Variants in GFRA2 observed in about 807,000 individuals in gnomAD.
GFRA2 encodes GDNF family receptor alpha 2.
GFRA2 carries 17 observed loss-of-function variants against 48.3 expected under a neutral mutation model. That is an observed-to-expected ratio of 0.35 (90% confidence interval 0.24 to 0.53). GFRA2 has a LOEUF of 0.53. Ranked by LOEUF, GFRA2 falls within the 20% of genes least tolerant of loss-of-function variation. The pLI is 0.93. For synonymous variants in GFRA2, 305 were observed against 257.2 expected, an observed-to-expected ratio of 1.19 and a Z score of -1.78; for missense variants, 660 against 637.3, an observed-to-expected ratio of 1.04 and a Z score of -0.38.
intron 1 of GFRA2, among the ~76,000 whole-genome samples, 189 bp downstream of exon 1, chr8:21,787,931 C>G (rs1807364511): frequency 3.3e-5 from 5 of 152,052 alleles, no homozygotes; most frequent in Non-Finnish European, 7.4e-5. Flanking sequence ...CGCCAGCCAG[C>G]CGCGGCTCCG....
chr8:21,694,761 A>C (rs1802071202), intron 7 of GFRA2, among the ~76,000 whole-genome samples: 1 of 152,212 alleles, frequency 6.6e-6, no homozygotes, highest in African/African-American at 2.4e-5. Context: ...TCTGCTCCCA[A>C]CTAGCGGCAT....
In GFRA2 at chr8:21,750,862, A is replaced by G; in HGVS notation, c.520T>C (p.Cys174Arg). The change falls in exon 4 of 9, where the codon TGC becomes CGC. Residue 174 changes from cysteine (C) to arginine (R), a missense_variant. Physicochemically the swap from Cys to Arg is radical, Grantham distance 180 (BLOSUM62 -3). Transcript: ENST00000524240. The surrounding 1 kb of genome is among the most constrained non-coding windows in gnomAD (Gnocchi z 5.7). ...AAKACNLNDN[C>R]KKLRSSYISI... is the part of the protein sequence containing the mutation. ...ATGTAGGAGGAGCGCAGCTTCTTGC[A>G]GTTGTCATTCAGGTTGCAGGCCTTG... 1 of 1,613,818 alleles carries G rather than the reference A, an allele frequency of 6.2e-7. No individual in the cohort carries two copies. Among genetic ancestry groups the G allele is most frequent in the Non-Finnish European group, 8.5e-7 (1 of 1,179,860 alleles).
At chr8:21,737,526 G>A (rs919729193) in intron 4 of GFRA2, among the ~76,000 whole-genome samples, 3 of 152,122 alleles carry the variant, frequency 2.0e-5, no homozygotes, top group African/African-American at 2.4e-5. Flanking sequence ...GAGGAACAGG[G>A]GAGCCCCTGC....
chr8:21,701,351 G>A (rs929844733), intron 7 of GFRA2, among the ~76,000 whole-genome samples: 24 of 152,168 alleles, frequency 1.6e-4, no homozygotes, highest in African/African-American at 3.9e-4. Flanking sequence ...CCGAGATCGC[G>A]CCACTGCACT....
chr8:21,743,548 C>T (rs915549361), intron 4 of GFRA2, among the ~76,000 whole-genome samples: 2 of 152,174 alleles, frequency 1.3e-5, no homozygotes, highest in Admixed American at 6.5e-5. Flanking sequence ...TTCTAAGTGC[C>T]GCAAGGACAA....
intron 2 of GFRA2, among the ~76,000 whole-genome samples, chr8:21,777,692 C>T (rs1170598818): frequency 6.6e-6 from 1 of 152,204 alleles, no homozygotes; most frequent in African/African-American, 2.4e-5. Context: ...TGTGTAAAAA[C>T]TGGTGGTGGT....
chr8:21,782,897 C>T lies in GFRA2; in HGVS notation c.43G>A (p.Glu15Lys), dbSNP rs1372312376. ...NVFCLFFFLD[E>K]TLRSLASPSS... ...GGGCTGGCCAAAGAGCGGAGGGTCT[C>T]GTCTGGGTGGTGGGGAGGGAAGACA... is the stretch of plus-strand genomic sequence containing the variant. The change falls in exon 2 of 9, where the codon GAG becomes AAG. Residue 15 changes from glutamate to lysine, a missense_variant and splice_region_variant. Coordinates refer to ENST00000524240, the MANE Select transcript of GFRA2 (RefSeq NM_001495.5). The T allele has an allele frequency of 4.5e-6, 7 of 1,551,266 alleles. No homozygotes were observed. The African/African-American group carries it at 5.4e-5, about 12-fold the overall frequency.
Position 21,692,509 on chromosome 8 carries a change from T to G in GFRA2, c.*769A>C, listed in dbSNP as rs1008342035. ...GCAAAGAAGCCAACAAAGGACCGTT[T>G]CTCTCTGACTTCAAAATTTCTGCCA... On this transcript the variant is annotated 3_prime_UTR_variant, in exon 9 of 9. Coordinates refer to ENST00000524240, the MANE Select transcript of GFRA2 (RefSeq NM_001495.5). The G allele has an allele frequency of 2.0e-5, 3 of 151,078 alleles. No individual in the cohort carries two copies. Among genetic ancestry groups the G allele is most frequent in the African/African-American group, 7.3e-5 (3 of 40,998 alleles). 9.4% of individuals were successfully genotyped at this position (151,078 alleles called of 1,614,324 possible).
At chr8:21,719,519 TA>T (rs1453628154) in intron 4 of GFRA2, among the ~76,000 whole-genome samples, 7 of 152,236 alleles carry the variant, frequency 4.6e-5, no homozygotes, top group African/African-American at 1.7e-4. Flanking sequence ...AACTGCTAAG[TA>T]AGCTGAACAA....
intron 1 of GFRA2, among the ~76,000 whole-genome samples, chr8:21,784,077 A>G (rs1807149555): frequency 6.6e-6 from 1 of 151,758 alleles, no homozygotes; most frequent in South Asian, 2.1e-4. Context: ...CCAATGTGCA[A>G]TCCCCCATCA....
intron 4 of GFRA2, among the ~76,000 whole-genome samples, chr8:21,707,675 G>A (rs978864047): frequency 4.6e-5 from 7 of 152,272 alleles, no homozygotes; most frequent in Middle Eastern, 3.4e-3. Context: ...CTGCTTCTCC[G>A]GGACTCTAGT....
chr8:21,806,815 G>T (rs1807877412), intron 1 of GFRA2, among the ~76,000 whole-genome samples: 1 of 152,080 alleles, frequency 6.6e-6, no homozygotes, highest in Non-Finnish European at 1.5e-5. Context: ...CAGATTTATT[G>T]GGAAATAACT....
chr8:21,769,955 C>A (rs1281258526), intron 3 of GFRA2, among the ~76,000 whole-genome samples: 6 of 152,180 alleles, frequency 3.9e-5, no homozygotes, highest in African/African-American at 1.2e-4. Context: ...AGCAAGATGG[C>A]CCACCCCAGA....
At chr8:21,739,476 CT>C (rs762811037) in intron 4 of GFRA2, among the ~76,000 whole-genome samples, 40 of 152,314 alleles carry the variant, frequency 2.6e-4, no homozygotes, top group Middle Eastern at 6.8e-3. Context: ...CCCCTTCCCC[CT>C]GACTTGACTT....
At chr8:21,794,337 G>T (rs951009097) in intron 2 of GFRA2, among the ~76,000 whole-genome samples, 2 of 128,330 alleles carry the variant, frequency 1.6e-5, no homozygotes, top group African/African-American at 5.9e-5. Flanking sequence ...CACAATCTCC[G>T]CCTCCCATGT....
chr8:21,698,506 G>A (rs902283083), intron 7 of GFRA2, among the ~76,000 whole-genome samples: 6 of 152,102 alleles, frequency 3.9e-5, no homozygotes, highest in African/African-American at 1.2e-4. Flanking sequence ...TGGCCCAGGC[G>A]CTAGTCTAGT....
intron 4 of GFRA2, among the ~76,000 whole-genome samples, chr8:21,722,575 C>A (rs1439372638): frequency 6.6e-6 from 1 of 152,178 alleles, no homozygotes; most frequent in Non-Finnish European, 1.5e-5. Context: ...GAGGAGAGAA[C>A]ATGGGCCCTT....
chr8:21,712,255 C>T lies in GFRA2; in HGVS notation c.795-6214G>A, dbSNP rs1263451393. Among the ~76,000 whole-genome samples the T allele has an allele frequency of 2.1e-3, 321 of 150,802 alleles. 1 individual carries two copies. Among genetic ancestry groups the T allele is most frequent in the African/African-American group, 7.3e-3 (299 of 40,910 alleles). ...GGGGCTCCTCACTTCTCAGACGGGG[C>T]GGCTGCCAGGCAGAGGGTCTCCTCA... On this transcript the variant is annotated intron_variant, in intron 4 of 8. Coordinates refer to ENST00000524240, the MANE Select transcript of GFRA2 (RefSeq NM_001495.5).
rs1807382079 is a variant in GFRA2 at position 21,788,208 on chromosome 8, AAAT to A, written c.-52_-50del. 5 of 1,593,360 alleles carry A rather than the reference AAAT, an allele frequency of 3.1e-6. No homozygotes were observed. Among genetic ancestry groups the A allele is most frequent in the East Asian group, 2.3e-5 (1 of 42,830 alleles). On this transcript the variant is annotated 5_prime_UTR_variant, in exon 1 of 9. Coordinates refer to ENST00000524240, the MANE Select transcript of GFRA2 (RefSeq NM_001495.5). ...TTGTCTTTCTCCCTTGGGTAAAAAA[AAAT>A]AATAGTAGTAACAACAACAATAATA...
Sources: allele counts gnomAD v4.1 joint callset (sites outside exome capture counted in the v4.1 genomes callset), GRCh38; gene constraint gnomAD v4.1.1; non-coding constraint Gnocchi (gnomAD v3.1); transcripts MANE v1.5; gene names NCBI Gene and HGNC (gene_info 2026-07-23, HGNC 2026-07-21).